SCD5: variants seen among roughly 807,000 people sequenced by gnomAD.
SCD5 encodes acyl-CoA-desaturase 4.
SCD5 carries 20 observed loss-of-function variants against 30.4 expected under a neutral mutation model. The observed-to-expected ratio is 0.66, with a 90% CI of 0.46 to 0.96. SCD5 has a LOEUF of 0.96. Ranked by LOEUF, SCD5 falls within the 40% of genes least tolerant of loss-of-function variation. The pLI, the probability that SCD5 is intolerant of heterozygous loss-of-function variation, is 0.00. For synonymous variants in SCD5, 173 were observed against 176.4 expected, an observed-to-expected ratio of 0.98 and a Z score of 0.16; for missense variants, 381 against 443.3, an observed-to-expected ratio of 0.86 and a Z score of 1.26.
chr4:82,770,378 G>C (rs1474557474), intron 1 of SCD5, among the ~76,000 whole-genome samples: 1 of 152,154 alleles, frequency 6.6e-6, no homozygotes, highest in Non-Finnish European at 1.5e-5. Flanking sequence ...GTGATCATCA[G>C]AGCAGGAGTA....
At chr4:82,747,402 G>C (rs1721019107) in intron 1 of SCD5, among the ~76,000 whole-genome samples, 1 of 152,162 alleles carries the variant, frequency 6.6e-6, no homozygotes, top group African/African-American at 2.4e-5. Context: ...TGGCTCCAAA[G>C]CTCATCCCTT....
At chr4:82,744,634 A>G (rs1047284985) in intron 1 of SCD5, among the ~76,000 whole-genome samples, 3 of 152,200 alleles carry the variant, frequency 2.0e-5, no homozygotes, top group Non-Finnish European at 4.4e-5. Context: ...GAAATCTAAT[A>G]GAGAAGATGG....
At chr4:82,720,229 A>G (rs912099017) in intron 1 of SCD5, among the ~76,000 whole-genome samples, 1 of 151,864 alleles carries the variant, frequency 6.6e-6, no homozygotes, top group Non-Finnish European at 1.5e-5. Context: ...CCGGTTCAAG[A>G]CCAGCTTGGG....
rs748574030 is a variant in SCD5 at position 82,636,610 on chromosome 4, G to A, written c.783C>T (p.Leu261=). The A allele has an allele frequency of 6.8e-6, 11 of 1,613,938 alleles. No individual in the cohort carries two copies. The highest frequency in any genetic ancestry group is 1.3e-5 in the African/African-American group (1 of 74,928). The change falls in exon 4 of 5, where the codon CTC becomes CTT. Residue 261 remains leucine (L), a synonymous_variant. Coordinates refer to ENST00000319540, the MANE Select transcript of SCD5 (RefSeq NM_001037582.3). ...ACTCACCAATGGCACCCAGAGCGACGAGTGGGTTCTGCCGAGGGCTGATGT... is the reference window on the plus strand; with the variant it reads ...ACTCACCAATGGCACCCAGAGCGACAAGTGGGTTCTGCCGAGGGCTGATGT... ...DKHISPRQNP[L]VALGAIGEGF...
chr4:82,690,604 C>T (rs558873945), intron 2 of SCD5, among the ~76,000 whole-genome samples: 25 of 152,296 alleles, frequency 1.6e-4, no homozygotes, highest in African/African-American at 5.8e-4. Context: ...ACAATACATT[C>T]GGCATACTGT....
At chr4:82,697,234 T>A (rs937082994) in intron 2 of SCD5, among the ~76,000 whole-genome samples, 1 of 152,266 alleles carries the variant, frequency 6.6e-6, no homozygotes, top group Non-Finnish European at 1.5e-5. Flanking sequence ...CCAATACAGA[T>A]GCCGGGCTAA....
intron 1 of SCD5, among the ~76,000 whole-genome samples, chr4:82,746,928 G>C (rs188001355): frequency 7.2e-6 from 1 of 138,956 alleles, no homozygotes; most frequent in African/African-American, 2.6e-5. Context: ...ATAAACCCGA[G>C]ACCTTAAGTG....
At chr4:82,652,437 G>C (rs1727777102) in intron 3 of SCD5, among the ~76,000 whole-genome samples, 1 of 152,212 alleles carries the variant, frequency 6.6e-6, no homozygotes, top group Non-Finnish European at 1.5e-5. Flanking sequence ...TTCCCTATAA[G>C]TACTATGACA....
rs1727255306 is a variant in SCD5, at chr4:82,630,135, A to T, written c.*1192T>A. ...AGAGTTATACACCTTTAAGATAACA[A>T]TAGCAAACAGAACAAAATCAAACAT... is the stretch of plus-strand genomic sequence containing the variant. On this transcript the variant is annotated 3_prime_UTR_variant, in exon 5 of 5. Transcript: ENST00000319540. The T allele has an allele frequency of 6.6e-6, 1 of 152,240 alleles. No individual in the cohort carries two copies. The highest frequency in any genetic ancestry group is 1.5e-5 in the Non-Finnish European group (1 of 68,032). The allele number at this position is 152,240 out of a possible 1,614,324, so 9.4% of individuals were successfully genotyped here.
chr4:82,784,772 T>C (rs1721951548), intron 1 of SCD5, among the ~76,000 whole-genome samples: 1 of 152,164 alleles, frequency 6.6e-6, no homozygotes, highest in African/African-American at 2.4e-5. Context: ...AAGAAGAGGA[T>C]GCAAATGCAG....
intron 2 of SCD5, among the ~76,000 whole-genome samples, chr4:82,687,334 G>A (rs1728734179): frequency 6.6e-6 from 1 of 152,136 alleles, no homozygotes; most frequent in Non-Finnish European, 1.5e-5. Flanking sequence ...GTTCTCTCTA[G>A]GAATTGGGAC....
intron 1 of SCD5, among the ~76,000 whole-genome samples, chr4:82,726,342 G>A (rs552940706): frequency 7.8e-4 from 118 of 151,842 alleles, no homozygotes; most frequent in African/African-American, 2.7e-3. Context: ...GCTTGAACCC[G>A]GGAGATGGAG....
In SCD5 at chr4:82,750,389, C is replaced by T. The variant is rs56795674; in HGVS notation, c.233-44976G>A. On this transcript the variant is annotated intron_variant, in intron 1 of 4. Transcript: ENST00000319540. The stretch of plus-strand genomic sequence containing the variant: ...GGACCAAACACTATCTCCAAAACAT[C>T]TGTGTAACAATTACTTCTTCACACA... Among the ~76,000 whole-genome samples the T allele has an allele frequency of 4.2e-3, 645 of 152,274 alleles. 7 individuals are homozygous for T. The highest frequency in any genetic ancestry group is 0.015 in the African/African-American group (620 of 41,550).
chr4:82,789,038 T>C (rs373263597), intron 1 of SCD5, among the ~76,000 whole-genome samples: 11 of 152,300 alleles, frequency 7.2e-5, no homozygotes, highest in Admixed American at 3.3e-4. Flanking sequence ...AAAAGCATCC[T>C]AATACAATTT....
At chr4:82,741,853 C>CGGGGGGGGGG (rs34875819) in intron 1 of SCD5, among the ~76,000 whole-genome samples, 46 of 45,354 alleles carry the variant, frequency 1.0e-3, no homozygotes, top group Non-Finnish European at 1.8e-3. Context: ...TCAGAGTGGG[C>CGGGGGGGGGG]GGGGGGGGGG....
chr4:82,656,307 T>C (rs1727867010), intron 3 of SCD5, among the ~76,000 whole-genome samples: 1 of 152,070 alleles, frequency 6.6e-6, no homozygotes, highest in Non-Finnish European at 1.5e-5. Flanking sequence ...CCTGTGTCCA[T>C]GTGGTTTCAT....
At chr4:82,679,302 A>AAGAAAGAG (rs1728517673) in intron 3 of SCD5, among the ~76,000 whole-genome samples, 1 of 150,352 alleles carries the variant, frequency 6.7e-6, no homozygotes, top group African/African-American at 2.4e-5. Flanking sequence ...GAAAGAAAGA[A>AAGAAAGAG]AACATCTTGT....
Position 82,664,999 on chromosome 4 carries a change from C to CTCTCTCTA in SCD5, c.569+15707_569+15708insTAGAGAGA, listed in dbSNP as rs1219554314. ...TCTCTCTCTCTCTCTCTCTCTCTCTCTATATATATATATATATATATGTAT... is the reference window on the plus strand; with the variant it reads ...TCTCTCTCTCTCTCTCTCTCTCTCTCTCTCTCTATATATATATATATATATATATGTAT... On this transcript the variant is annotated intron_variant, in intron 3 of 4. Transcript: ENST00000319540. 1.5e-3 allele frequency among the ~76,000 whole-genome samples: 104 copies of CTCTCTCTA among 70,490 alleles called. 1 individual carries two copies. The highest frequency in any genetic ancestry group is 3.5e-3 in the African/African-American group (47 of 13,370). 46.2% of individuals were successfully genotyped at this position (70,490 alleles called of 152,430 possible). A position where few individuals can be genotyped will look rare whatever the true frequency, so the allele number is the denominator to read the frequency against.
At chr4:82,670,806 A>G (rs1008784259) in intron 3 of SCD5, among the ~76,000 whole-genome samples, 22 of 151,080 alleles carry the variant, frequency 1.5e-4, no homozygotes, top group Non-Finnish European at 2.7e-4. Context: ...TCAATTCCAT[A>G]TCAATTGATA....
Sources: allele counts gnomAD v4.1 joint callset (sites outside exome capture counted in the v4.1 genomes callset), GRCh38; gene constraint gnomAD v4.1.1; transcripts MANE v1.5; gene names NCBI Gene and HGNC (gene_info 2026-07-23, HGNC 2026-07-21).